Variants in PCDHGA3 observed in about 807,000 individuals in gnomAD.
The protein encoded by PCDHGA3 is protocadherin gamma subfamily A, 3.
A neutral mutation model predicts 58.5 loss-of-function variants in PCDHGA3; 40 were observed. That is an observed-to-expected ratio of 0.68 (90% CI 0.53 to 0.89). PCDHGA3 has a LOEUF of 0.89. Among genes scored for constraint, PCDHGA3 ranks in the 40% least tolerant of loss-of-function variants. PCDHGA3 has a pLI of 0.00. For synonymous variants in PCDHGA3, 530 were observed against 525.7 expected (o/e 1.01, Z -0.11); for missense variants, 1,223 against 1,195.9 (o/e 1.02, Z -0.33).
At chr5:141,421,354 G>T in intron 1 of PCDHGA3, 2 of 1,613,980 alleles carry the variant, frequency 1.2e-6, no homozygotes, top group Non-Finnish European at 1.7e-6. Context: ...GACCGAAAAG[G>T]GCTCCTTCGT....
At chr5:141,389,440 A>C (rs769871337) in intron 1 of PCDHGA3, 3 of 1,610,596 alleles carry the variant, frequency 1.9e-6, no homozygotes, top group Non-Finnish European at 2.5e-6. Context: ...CGCGCCTTCG[A>C]CCACGAGCAG....
At position 141,476,140 on chromosome 5, in the gene PCDHGA3, C is replaced by A. The variant is rs1410430310; in HGVS notation, c.2425-18667C>A. On this transcript the variant is annotated intron_variant, in intron 1 of 3. Coordinates refer to ENST00000253812, the MANE Select transcript of PCDHGA3 (RefSeq NM_018916.4). The surrounding 1 kb of genome is among the most constrained non-coding windows in gnomAD (Gnocchi z 7.6). ...AGATGGTCCCAGAGGCCTGGAGGAG[C>A]GGACTGGTAAGCACCGGGAGGGTAG... 6 of 1,609,222 alleles carry A rather than the reference C, an allele frequency of 3.7e-6. No homozygotes were observed. The highest frequency in any genetic ancestry group is 5.1e-6 in the Non-Finnish European group (6 of 1,178,484).
At chr5:141,509,136 C>T (rs1217992935) in intron 3 of PCDHGA3, among the ~76,000 whole-genome samples, 1 of 152,142 alleles carries the variant, frequency 6.6e-6, no homozygotes, top group Non-Finnish European at 1.5e-5. Context: ...AAAACCGAGG[C>T]GCATCCCGGC....
chr5:141,454,798 T>A (rs866302149), intron 1 of PCDHGA3, among the ~76,000 whole-genome samples: 2 of 58,950 alleles, frequency 3.4e-5, no homozygotes, highest in Non-Finnish European at 6.4e-5. Context: ...TGGTTCTAAT[T>A]TTTTTTTTTT....
chr5:141,486,166 G>A lies in PCDHGA3; in HGVS notation c.2425-8641G>A. ...GCGATGGGGGTTCTCCAGCCATGGA[G>A]CAACATTGCAGCCTTCGAGTGGATC... On this transcript the variant is annotated intron_variant, in intron 1 of 3. Coordinates refer to ENST00000253812, the MANE Select transcript of PCDHGA3 (RefSeq NM_018916.4). The surrounding 1 kb of genome is among the most constrained non-coding windows in gnomAD (Gnocchi z 5.0). The A allele has an allele frequency of 2.5e-6, 4 of 1,614,224 alleles. No individual in the cohort carries two copies. The highest frequency in any genetic ancestry group is 3.4e-6 in the Non-Finnish European group (4 of 1,180,040).
chr5:141,489,794 T>TA lies in PCDHGA3; in HGVS notation c.2425-5009dup. The TA allele has an allele frequency of 1.2e-6, 2 of 1,614,120 alleles. No homozygotes were observed. The highest frequency in any genetic ancestry group is 2.2e-5 in the South Asian group (2 of 91,076). The stretch of plus-strand genomic sequence containing the variant: ...CACTTCTCTCTGAATGTGAAGACCC[T>TA]AAAAGATGGGAAGCCATTCCCAGAG... On this transcript the variant is annotated intron_variant, in intron 1 of 3. Transcript: ENST00000253812. This position sits in a 1 kb window ranked among gnomAD's most constrained non-coding sequence, Gnocchi z 4.5.
Position 141,395,354 on chromosome 5 carries a change from T to A in PCDHGA3, c.2424+48897T>A, listed in dbSNP as rs375237289. ...ATAATTTTTAAGGTGTATCACAGAG[T>A]TTTGGGTTTATTTTGGTGGTGTTAC... On this transcript the variant is annotated intron_variant, in intron 1 of 3. Coordinates refer to ENST00000253812, the MANE Select transcript of PCDHGA3 (RefSeq NM_018916.4). 28 of 1,357,052 alleles carry A rather than the reference T, an allele frequency of 2.1e-5. No homozygotes were observed. The Middle Eastern group carries it at 1.0e-3, about 51-fold the overall frequency. 84.1% of individuals were successfully genotyped at this position (1,357,052 alleles called of 1,614,324 possible).
At chr5:141,504,671 G>C (rs1459848730) in intron 2 of PCDHGA3, among the ~76,000 whole-genome samples, 1 of 111,068 alleles carries the variant, frequency 9.0e-6, no homozygotes, top group East Asian at 3.2e-4. Context: ...GGGGGGTGGG[G>C]GTTCTTGTAA....
At chr5:141,406,021 G>A (rs530576205) in intron 1 of PCDHGA3, among the ~76,000 whole-genome samples, 1 of 151,382 alleles carries the variant, frequency 6.6e-6, no homozygotes, top group East Asian at 1.9e-4. Context: ...GGCTTTTTGG[G>A]TAGGGTTGCT....
intron 1 of PCDHGA3, among the ~76,000 whole-genome samples, chr5:141,482,828 T>G (rs1274498876): frequency 4.4e-5 from 6 of 135,272 alleles, no homozygotes; most frequent in Non-Finnish European, 9.5e-5. Flanking sequence ...TCCTAGCACT[T>G]TGGGAGGCCA....
intron 1 of PCDHGA3, chr5:141,419,262 G>C: frequency 1.9e-6 from 3 of 1,614,014 alleles, no homozygotes; most frequent in Non-Finnish European, 2.5e-6. Context: ...AACCAGCCGG[G>C]TGCCTCCATA....
chr5:141,372,821 C>T (rs1174181623), intron 1 of PCDHGA3: 2 of 1,566,320 alleles, frequency 1.3e-6, no homozygotes, highest in Non-Finnish European at 1.7e-6. Flanking sequence ...TGAGTTTCTT[C>T]AAACCTTTCC....
chr5:141,498,930 C>T (rs2099786911), intron 2 of PCDHGA3, among the ~76,000 whole-genome samples: 1 of 121,364 alleles, frequency 8.2e-6, no homozygotes, highest in Non-Finnish European at 1.6e-5. Flanking sequence ...GAGACTCCAT[C>T]AGGAAAGAAA....
At chr5:141,422,348 A>G (rs1163115969) in intron 1 of PCDHGA3, 1 of 1,554,608 alleles carries the variant, frequency 6.4e-7, no homozygotes, top group Non-Finnish European at 8.7e-7. Context: ...AATGTGCAAG[A>G]TCAAGATTCT....
chr5:141,432,463 C>A lies in PCDHGA3; in HGVS notation c.2425-62344C>A, dbSNP rs781407406. On this transcript the variant is annotated intron_variant, in intron 1 of 3. Transcript: ENST00000253812. The surrounding 1 kb of genome is among the most constrained non-coding windows in gnomAD (Gnocchi z 6.0). Reference sequence around the variant, plus strand: ...CCGAGATCCTGTACCCCGCCCTCCCCACGGACGGTTCCACTGGCGTGGAGC... The same window carrying A: ...CCGAGATCCTGTACCCCGCCCTCCCAACGGACGGTTCCACTGGCGTGGAGC... The A allele has an allele frequency of 5.6e-6, 9 of 1,614,120 alleles. No homozygotes were observed. In the Admixed American group the frequency reaches 1.3e-4, roughly 24 times the overall value.
rs6873304 is a variant in PCDHGA3, at chr5:141,369,666, G to A, written c.2424+23209G>A. ...GGGGGGAGATAATAAAGATAAAAGA[G>A]AAGAAAGTGAAACATAGAATAAAAC... On this transcript the variant is annotated intron_variant, in intron 1 of 3. Coordinates refer to ENST00000253812, the MANE Select transcript of PCDHGA3 (RefSeq NM_018916.4). 4.3e-3 allele frequency among the ~76,000 whole-genome samples: 662 copies of A among 152,228 alleles called. 7 individuals carry two copies. The highest frequency in any genetic ancestry group is 0.015 in the African/African-American group (637 of 41,556).
At chr5:141,407,625 T>C (rs1354209573) in intron 1 of PCDHGA3, among the ~76,000 whole-genome samples, 2 of 152,220 alleles carry the variant, frequency 1.3e-5, no homozygotes, top group African/African-American at 4.8e-5. Context: ...ACATTCTATA[T>C]CTCGTATTAC....
Position 141,490,282 on chromosome 5 carries a change from C to T in PCDHGA3, c.2425-4525C>T, listed in dbSNP as rs763429413. 1.2e-6 allele frequency: 2 copies of T among 1,614,194 alleles called. No individual in the cohort carries two copies. The highest frequency in any genetic ancestry group is 1.7e-6 in the Non-Finnish European group (2 of 1,180,036). ...TGTGGGGGATGTCAATGACAATGCC[C>T]CAGAGGTGCTATTGGCCTCTTTGGC... On this transcript the variant is annotated intron_variant, in intron 1 of 3. Transcript: ENST00000253812. This position sits in a 1 kb window ranked among gnomAD's most constrained non-coding sequence, Gnocchi z 5.4.
intron 1 of PCDHGA3, chr5:141,351,157 C>A (rs748506914): frequency 2.5e-6 from 4 of 1,614,010 alleles, no homozygotes; most frequent in South Asian, 1.1e-5. Flanking sequence ...ACATCACAAC[C>A]AATGGCACAT....
Sources: gnomAD v4.1 joint callset for allele counts (sites outside exome capture counted in the v4.1 genomes callset) on GRCh38, gnomAD v4.1.1 for gene constraint, Gnocchi (gnomAD v3.1) non-coding constraint, MANE v1.5 for transcripts, NCBI Gene and HGNC (gene_info 2026-07-23, HGNC 2026-07-21) for gene names.